Variants in CACNA2D1 observed in about 807,000 individuals in gnomAD.
The protein encoded by CACNA2D1 is voltage-dependent calcium channel subunit alpha-2/delta-1.
In CACNA2D1, 53 loss-of-function variants were observed where a neutral mutation model predicts 171.5. That is an observed-to-expected ratio of 0.31 (90% CI 0.25 to 0.39). The LOEUF (loss-of-function observed/expected upper bound fraction) is 0.39, where lower values mean the gene tolerates loss of function less well. CACNA2D1 is among the 10% of genes least tolerant of loss of function. The pLI is 1.00. For missense variants in CACNA2D1, 903 were observed against 1,299.8 expected (o/e 0.69, Z 4.69); for synonymous variants, 442 against 443.1 (o/e 1.00, Z 0.03).
rs114500883 is a variant in CACNA2D1, at chr7:82,241,415, G to C, written c.295-70806C>G. ...ATTTTGCATTAATTCAGGGACTTTTGAAGCCACACTGAATTGCTTTTTCAG... is the reference window on the plus strand; with the variant it reads ...ATTTTGCATTAATTCAGGGACTTTTCAAGCCACACTGAATTGCTTTTTCAG... On this transcript the variant is annotated intron_variant, in intron 3 of 38. Coordinates refer to ENST00000356860, the MANE Select transcript of CACNA2D1 (RefSeq NM_000722.4). 7.5e-3 allele frequency among the ~76,000 whole-genome samples: 1,134 copies of C among 152,212 alleles called. 13 individuals carry two copies. Among genetic ancestry groups the C allele is most frequent in the African/African-American group, 0.026 (1,079 of 41,542 alleles).
intron 3 of CACNA2D1, among the ~76,000 whole-genome samples, chr7:82,224,233 G>T: frequency 6.6e-6 from 1 of 152,150 alleles, no homozygotes; most frequent in Non-Finnish European, 1.5e-5. Context: ...TAGTTAGCAT[G>T]CAGGAGAACT....
chr7:82,379,580 T>C (rs745423091), intron 1 of CACNA2D1, among the ~76,000 whole-genome samples: 7 of 152,188 alleles, frequency 4.6e-5, no homozygotes, highest in African/African-American at 1.7e-4. Context: ...TCTATACTTG[T>C]TGTCCTGGGA....
At chr7:82,153,117 C>T (rs1794023242) in intron 4 of CACNA2D1, among the ~76,000 whole-genome samples, 1 of 150,184 alleles carries the variant, frequency 6.7e-6, no homozygotes, top group Non-Finnish European at 1.5e-5. Context: ...CAGACAGGCA[C>T]TATTCTTAAT....
chr7:82,153,952 T>C (rs539040041), intron 4 of CACNA2D1, among the ~76,000 whole-genome samples: 23 of 152,280 alleles, frequency 1.5e-4, no homozygotes, highest in African/African-American at 5.3e-4. Flanking sequence ...GTTGCAGAGC[T>C]TGTAATCCTG....
intron 3 of CACNA2D1, among the ~76,000 whole-genome samples, chr7:82,219,228 TC>T (rs1801493171): frequency 6.6e-6 from 1 of 152,138 alleles, no homozygotes; most frequent in African/African-American, 2.4e-5. Context: ...GTGGCACAGG[TC>T]AAATCTCTGC....
chr7:82,326,649 C>T lies in CACNA2D1; in HGVS notation c.294+8486G>A, dbSNP rs1036442639. On this transcript the variant is annotated intron_variant, in intron 3 of 38. Coordinates refer to ENST00000356860, the MANE Select transcript of CACNA2D1 (RefSeq NM_000722.4). ...CTCTTCTCCATCTAAGTAACCAGCTCATTGACTCATGCCTCTACCTTGTTT... is the reference window on the plus strand; with the variant it reads ...CTCTTCTCCATCTAAGTAACCAGCTTATTGACTCATGCCTCTACCTTGTTT... Among the ~76,000 whole-genome samples the T allele has an allele frequency of 3.7e-4, 40 of 108,742 alleles. 2 individuals are homozygous for T. Among genetic ancestry groups the T allele is most frequent in the African/African-American group, 1.2e-3 (40 of 34,590 alleles). 71.3% of individuals were successfully genotyped at this position (108,742 alleles called of 152,430 possible). A position where few individuals can be genotyped will look rare whatever the true frequency, so the allele number is the denominator to read the frequency against.
At chr7:82,337,282 G>A (rs903422765) in intron 2 of CACNA2D1, among the ~76,000 whole-genome samples, 1 of 151,810 alleles carries the variant, frequency 6.6e-6, no homozygotes, top group Non-Finnish European at 1.5e-5. Context: ...TGCTTTCTTT[G>A]GTAATAAAAA....
intron 3 of CACNA2D1, among the ~76,000 whole-genome samples, chr7:82,332,818 A>T (rs994672600): frequency 6.6e-6 from 1 of 152,120 alleles, no homozygotes; most frequent in Non-Finnish European, 1.5e-5. Flanking sequence ...TGGGCAACAT[A>T]GGGAGACCTC....
intron 24 of CACNA2D1, among the ~76,000 whole-genome samples, chr7:81,976,358 A>G (rs1266159784): frequency 6.6e-6 from 1 of 151,814 alleles, no homozygotes; most frequent in East Asian, 1.9e-4. Context: ...CATGATATTG[A>G]TCTTCCTATC....
intron 9 of CACNA2D1, among the ~76,000 whole-genome samples, chr7:82,063,377 A>T (rs941912339): frequency 6.6e-6 from 1 of 152,186 alleles, no homozygotes; most frequent in African/African-American, 2.4e-5. Flanking sequence ...ATTAACATTT[A>T]AATTACATTT....
chr7:82,239,333 C>T (rs1803976903), intron 3 of CACNA2D1, among the ~76,000 whole-genome samples: 1 of 151,796 alleles, frequency 6.6e-6, no homozygotes, highest in Admixed American at 6.6e-5. Flanking sequence ...AATCAAGCCT[C>T]TATGAAGGCA....
At chr7:82,439,972 C>G (rs960405756) in intron 1 of CACNA2D1, among the ~76,000 whole-genome samples, 1 of 151,694 alleles carries the variant, frequency 6.6e-6, no homozygotes, top group Admixed American at 6.6e-5. Context: ...ATGCATGGAA[C>G]AGATATCCAT....
In CACNA2D1 at chr7:82,017,143, T is replaced by A. The variant is rs1026713248; in HGVS notation, c.1144-2664A>T. On this transcript the variant is annotated intron_variant, in intron 12 of 38. Transcript: ENST00000356860. ...TACAAACACATATGCACATAGGTAT[T>A]TAATGATTTTATGGATTATATAGAT... 5.3e-5 allele frequency among the ~76,000 whole-genome samples: 8 copies of A among 152,062 alleles called. No homozygotes were observed. In the East Asian group the frequency reaches 1.3e-3, roughly 26 times the overall value.
rs529932393 is a variant in CACNA2D1, at chr7:82,236,458, C to A, written c.295-65849G>T. Among the ~76,000 whole-genome samples the A allele has an allele frequency of 8.5e-4, 130 of 152,166 alleles. 3 individuals are homozygous for A. The South Asian group carries it at 0.026, about 30-fold the overall frequency. On this transcript the variant is annotated intron_variant, in intron 3 of 38. Transcript: ENST00000356860. Reference sequence around the variant, plus strand: ...AATGCACAACAACATCTCTCCTACACGTTTTTCAAAAGACCTTCAACAAGT... The same window carrying A: ...AATGCACAACAACATCTCTCCTACAAGTTTTTCAAAAGACCTTCAACAAGT...
In CACNA2D1 at chr7:81,976,970, C is replaced by A. The variant is rs368853670; in HGVS notation, c.1956-2418G>T. Among the ~76,000 whole-genome samples, 108 of 152,290 alleles carry A rather than the reference C, an allele frequency of 7.1e-4. 2 individuals carry two copies. The South Asian group carries it at 0.022, about 31-fold the overall frequency. Reference sequence around the variant, plus strand: ...TTTTGGGAAGAGACAATGGGGTTTTCTAAATATACAATCATGTCATCTGCA... The same window carrying A: ...TTTTGGGAAGAGACAATGGGGTTTTATAAATATACAATCATGTCATCTGCA... On this transcript the variant is annotated intron_variant, in intron 24 of 38. Transcript: ENST00000356860.
At chr7:82,104,158 T>A (rs1813033464) in intron 6 of CACNA2D1, among the ~76,000 whole-genome samples, 1 of 152,070 alleles carries the variant, frequency 6.6e-6, no homozygotes, top group Admixed American at 6.5e-5. Context: ...ATTTAATTAA[T>A]TGTATAATTC....
chr7:82,211,288 T>A (rs1800526256), intron 3 of CACNA2D1, among the ~76,000 whole-genome samples: 1 of 152,136 alleles, frequency 6.6e-6, no homozygotes, highest in Non-Finnish European at 1.5e-5. Context: ...GGGTTTGGTG[T>A]ACAAATGATT....
chr7:82,343,633 TCTAC>T (rs559413158), intron 2 of CACNA2D1, among the ~76,000 whole-genome samples: 33 of 152,306 alleles, frequency 2.2e-4, no homozygotes, highest in African/African-American at 5.1e-4. Flanking sequence ...ACAGAAACTC[TCTAC>T]CTGTTTTTTT....
Position 82,117,812 on chromosome 7 carries a change from T to C in CACNA2D1, c.397-639A>G, listed in dbSNP as rs550761249. 2.0e-5 allele frequency among the ~76,000 whole-genome samples: 3 copies of C among 151,818 alleles called. No individual in the cohort carries two copies. In the South Asian group the frequency reaches 6.2e-4, roughly 32 times the overall value. On this transcript the variant is annotated intron_variant, in intron 5 of 38. Coordinates refer to ENST00000356860, the MANE Select transcript of CACNA2D1 (RefSeq NM_000722.4). Reference sequence around the variant, plus strand: ...ATAAACAAACAAACAAACAGACAAATAAAATAATAAGAAACTAGAGAGGTG... The same window carrying C: ...ATAAACAAACAAACAAACAGACAAACAAAATAATAAGAAACTAGAGAGGTG...
Sources: allele counts gnomAD v4.1 joint callset (sites outside exome capture counted in the v4.1 genomes callset), GRCh38; gene constraint gnomAD v4.1.1; transcripts MANE v1.5; gene names NCBI Gene and HGNC (gene_info 2026-07-23, HGNC 2026-07-21).